Variants in PGBD2 observed in about 807,000 individuals in gnomAD.
PGBD2 encodes piggyBac transposable element derived 2.
Under a neutral mutation model 8.1 loss-of-function variants are expected in PGBD2, and 6 were observed. The observed-to-expected ratio is 0.74, with a 90% CI of 0.40 to 1.46. PGBD2 has a LOEUF of 1.46. Ranked by LOEUF, PGBD2 falls within the 40% of genes most tolerant of loss-of-function variation. The probability of loss-of-function intolerance (pLI) is 0.02; values close to 1 mark genes in which losing one functional copy is unlikely to be tolerated. For synonymous variants in PGBD2, 318 were observed against 272.2 expected (o/e 1.17, Z -1.66); for missense variants, 802 against 739.0 (o/e 1.09, Z -0.99).
chr1:248,900,097 CAAAAAAA>C, the PGBD2 span, among the ~76,000 whole-genome samples: 2 of 49,472 alleles, frequency 4.0e-5, no homozygotes, highest in Non-Finnish European at 1.1e-4. Flanking sequence ...AATAGCCTAC[CAAAAAAA>C]AAAAAAAAAA....
At chr1:248,883,584 C>CTTTTTTTTTTTTTTTTTTTTTTTTTTTT in the PGBD2 span, among the ~76,000 whole-genome samples, 1 of 89,142 alleles carries the variant, frequency 1.1e-5, no homozygotes. Flanking sequence ...TTTTTTTTTT[C>CTTTTTTTTTTTTTTTTTTTTTTTTTTTT]TTTTTTTTTT....
At chr1:248,911,902 G>A (rs1661905089) in intron 1 of PGBD2, among the ~76,000 whole-genome samples, 1 of 152,016 alleles carries the variant, frequency 6.6e-6, no homozygotes, top group Non-Finnish European at 1.5e-5. Flanking sequence ...CACCAGGTGG[G>A]AGAGTTATTG....
chr1:248,894,185 C>G, the PGBD2 span, among the ~76,000 whole-genome samples: 6 of 152,084 alleles, frequency 3.9e-5, no homozygotes, highest in East Asian at 1.2e-3. Flanking sequence ...TATTTTCTCT[C>G]ATTCTTTGGG....
At chr1:248,895,676 A>C in the PGBD2 span, among the ~76,000 whole-genome samples, 1 of 151,744 alleles carries the variant, frequency 6.6e-6, no homozygotes, top group Non-Finnish European at 1.5e-5. Flanking sequence ...ACTGTACCCA[A>C]TGTATAGATT....
At position 248,918,294 on chromosome 1, in the gene PGBD2, C is replaced by T. The variant is rs1282903417; in HGVS notation, c.1710C>T (p.Thr570=). Residue 570 remains threonine (T), a synonymous_variant, in exon 3 of 3, where the codon ACC becomes ACT. Transcript: ENST00000329291. ...RTRCALCHSQ[T]NTRCEKCQKG... is the part of the protein sequence containing the mutation. Reference sequence around the variant, plus strand: ...GGTGTGCCCTCTGCCACTCACAGACCAACACCCGGTGTGAGAAGTGCCAGA... The same window carrying T: ...GGTGTGCCCTCTGCCACTCACAGACTAACACCCGGTGTGAGAAGTGCCAGA... 2 of 1,600,778 alleles carry T rather than the reference C, an allele frequency of 1.2e-6. No homozygotes were observed. The highest frequency in any genetic ancestry group is 1.7e-6 in the Non-Finnish European group (2 of 1,173,088).
chr1:248,893,242 C>T, the PGBD2 span, among the ~76,000 whole-genome samples: 2 of 152,174 alleles, frequency 1.3e-5, no homozygotes, highest in African/African-American at 4.8e-5. Context: ...GAACATTCAA[C>T]ATGAGAAAAA....
At chr1:248,878,364 A>C in the PGBD2 span, among the ~76,000 whole-genome samples, 2 of 151,892 alleles carry the variant, frequency 1.3e-5, no homozygotes. Context: ...TTTTTTGTAG[A>C]GATGGGGTTT....
the PGBD2 span, among the ~76,000 whole-genome samples, chr1:248,874,235 A>G: frequency 9.8e-5 from 15 of 152,306 alleles, no homozygotes; most frequent in Admixed American, 5.9e-4. Flanking sequence ...TTGCTAAATG[A>G]CGCATCATGT....
At chr1:248,882,826 A>C in the PGBD2 span, among the ~76,000 whole-genome samples, 1 of 152,182 alleles carries the variant, frequency 6.6e-6, no homozygotes, top group Non-Finnish European at 1.5e-5. Context: ...CCAACCTGGC[A>C]TTGTCTTTAC....
At chr1:248,909,681 G>T (rs1019332051) in intron 1 of PGBD2, among the ~76,000 whole-genome samples, 2 of 152,190 alleles carry the variant, frequency 1.3e-5, no homozygotes, top group Non-Finnish European at 2.9e-5. Flanking sequence ...GTGGTAAGAG[G>T]AAGACTTGAT....
At chr1:248,905,584 A>C (rs938819981), upstream of PGBD2, among the ~76,000 whole-genome samples, 1 of 152,214 alleles carries the variant, frequency 6.6e-6, no homozygotes, top group African/African-American at 2.4e-5. Context: ...ATAGGTAGGC[A>C]AGGTAGCCAG....
At position 248,918,494 on chromosome 1, in the gene PGBD2, T is replaced by A; in HGVS notation, c.*131T>A. On this transcript the variant is annotated 3_prime_UTR_variant, in exon 3 of 3. Coordinates refer to ENST00000329291, the MANE Select transcript of PGBD2 (RefSeq NM_170725.3). ...ATGACTTGATTTTCTATTTTCTCCC[T>A]ACCCACAATACAGTTATCTTTTTTA... 1 of 801,318 alleles carries A rather than the reference T, an allele frequency of 1.2e-6. No homozygotes were observed. Among genetic ancestry groups the A allele is most frequent in the Non-Finnish European group, 1.9e-6 (1 of 525,862 alleles). 49.6% of individuals were successfully genotyped at this position (801,318 alleles called of 1,614,324 possible). A position where few individuals can be genotyped will look rare whatever the true frequency, so the allele number is the denominator to read the frequency against.
At chr1:248,899,760 TA>T in the PGBD2 span, among the ~76,000 whole-genome samples, 1 of 133,802 alleles carries the variant, frequency 7.5e-6, no homozygotes, top group Non-Finnish European at 1.6e-5. Context: ...CAAAAACCCT[TA>T]AAAAAATCAG....
chr1:248,917,487 C>A lies in PGBD2; in HGVS notation c.903C>A (p.Thr301=). The A allele has an allele frequency of 6.2e-7, 1 of 1,614,066 alleles. No individual in the cohort carries two copies. The highest frequency in any genetic ancestry group is 8.5e-7 in the Non-Finnish European group (1 of 1,180,026). The change falls in exon 3 of 3, where the codon ACC becomes ACA. Residue 301 remains threonine (T), a synonymous_variant. Coordinates refer to ENST00000329291, the MANE Select transcript of PGBD2 (RefSeq NM_170725.3). ...GCTACAAGATTTGGTGTGGGACAAC[C>A]AGCAGAGGCTACTTGGTGTGGTTTG... ...RLGYKIWCGT[T]SRGYLVWFEP...
the PGBD2 span, among the ~76,000 whole-genome samples, chr1:248,893,042 T>C: frequency 1.4e-4 from 21 of 152,332 alleles, no homozygotes; most frequent in Admixed American, 1.3e-4. Context: ...ACTCTATATG[T>C]TTTACCTTTG....
At chr1:248,901,949 T>C (rs775409393), upstream of PGBD2, among the ~76,000 whole-genome samples, 1 of 152,164 alleles carries the variant, frequency 6.6e-6, no homozygotes, top group Non-Finnish European at 1.5e-5. Context: ...AAAAACATCA[T>C]TGATCATTAG....
upstream of PGBD2, among the ~76,000 whole-genome samples, chr1:248,905,529 G>A (rs1353168461): frequency 6.6e-6 from 1 of 152,094 alleles, no homozygotes; most frequent in Non-Finnish European, 1.5e-5. Context: ...TGCTAGGGAT[G>A]CTCAATATCC....
chr1:248,916,477 G>A, intron 2 of PGBD2, 125 bp from the exon 3 acceptor site: 1 of 734,462 alleles, frequency 1.4e-6, no homozygotes, highest in Non-Finnish European at 2.2e-6. Flanking sequence ...GCGGTGCCTT[G>A]TGATGCCAGA....
the PGBD2 span, among the ~76,000 whole-genome samples, chr1:248,891,598 G>A: frequency 1.8e-4 from 28 of 152,218 alleles, no homozygotes; most frequent in African/African-American, 6.8e-4. Flanking sequence ...GGGAGGCTGA[G>A]GCAGGTGAAT....
Sources: allele counts gnomAD v4.1 joint callset (sites outside exome capture counted in the v4.1 genomes callset), GRCh38; gene constraint gnomAD v4.1.1; transcripts MANE v1.5; gene names NCBI Gene and HGNC (gene_info 2026-07-23, HGNC 2026-07-21).